The following USP14 variants were observed in gnomAD, a reference collection of about 807,000 sequenced individuals.
USP14 encodes the protein ubiquitin carboxyl-terminal hydrolase 14.
In USP14, 38 loss-of-function variants were observed where a neutral mutation model predicts 76.5. The ratio of observed to expected loss-of-function variants is 0.50; its 90% CI spans 0.38 to 0.65. The LOEUF (loss-of-function observed/expected upper bound fraction) is 0.65. USP14 is among the 30% of genes least tolerant of loss of function. The pLI is 0.00. For missense variants in USP14, 467 were observed against 586.5 expected (o/e 0.80, Z 2.10); for synonymous variants, 192 against 191.7 (o/e 1.00, Z -0.01).
chr18:160,237 G>A (rs1233466910), intron 1 of USP14, among the ~76,000 whole-genome samples: 1 of 152,168 alleles, frequency 6.6e-6, no homozygotes, highest in East Asian at 1.9e-4. Context: ...CTGTGAAGCG[G>A]AGGTTGTAGT....
chr18:203,263 A>G (rs1334890797), intron 12 of USP14, 73 bp downstream of exon 12: 2 of 1,367,710 alleles, frequency 1.5e-6, no homozygotes, highest in East Asian at 2.3e-5. Context: ...AATTGCTTTC[A>G]TTATTCCTTT....
In USP14 at chr18:171,624, C is replaced by T. The variant is rs552879394; in HGVS notation, c.195+4805C>T. 4.6e-5 allele frequency among the ~76,000 whole-genome samples: 7 copies of T among 152,266 alleles called. No homozygotes were observed. In the East Asian group the frequency reaches 1.3e-3, roughly 29 times the overall value. On this transcript the variant is annotated intron_variant, in intron 3 of 15. Transcript: ENST00000261601. ...ACATAAACGAGATGAATGTTGTTTT[C>T]CTGTCTGCTACAACAACTATTCTGC...
intron 6 of USP14, 100 bp from the exon 7 acceptor site, chr18:196,537 A>T (rs1910241154): frequency 7.3e-7 from 1 of 1,377,726 alleles, no homozygotes; most frequent in Non-Finnish European, 9.7e-7. Flanking sequence ...AAAAAAAAAA[A>T]TTAAGTAAGT....
intron 3 of USP14, among the ~76,000 whole-genome samples, chr18:177,559 TAACTG>T (rs971879358): frequency 6.6e-6 from 1 of 151,974 alleles, no homozygotes; most frequent in Non-Finnish European, 1.5e-5. Flanking sequence ...TAGGTATTCT[TAACTG>T]AACTAATTTC....
At chr18:186,277 T>G (rs1033243724) in intron 5 of USP14, among the ~76,000 whole-genome samples, 1 of 151,934 alleles carries the variant, frequency 6.6e-6, no homozygotes, top group African/African-American at 2.4e-5. Context: ...GGCAACATAG[T>G]GAGACCCGCA....
At position 158,679 on chromosome 18, in the gene USP14, G is replaced by C; in HGVS notation, c.-20G>C. 14 of 1,518,848 alleles carry C rather than the reference G, an allele frequency of 9.2e-6. No homozygotes were observed. The highest frequency in any genetic ancestry group is 1.1e-5 in the Non-Finnish European group (13 of 1,141,434). The allele number at this position is 1,518,848 out of a possible 1,614,324, so 94.1% of individuals were successfully genotyped here. A position where few individuals can be genotyped will look rare whatever the true frequency, so the allele number is the denominator to read the frequency against. Reference sequence around the variant, plus strand: ...TCAGGCCCAGCTCTCCTGCGCCGCCGCCTCCCGCCGCGCCCCGCCATGCCG... The same window carrying C: ...TCAGGCCCAGCTCTCCTGCGCCGCCCCCTCCCGCCGCGCCCCGCCATGCCG... On this transcript the variant is annotated 5_prime_UTR_variant, in exon 1 of 16. Coordinates refer to ENST00000261601, the MANE Select transcript of USP14 (RefSeq NM_005151.4).
At chr18:205,348 C>G (rs766344901) in intron 13 of USP14, among the ~76,000 whole-genome samples, 5 of 152,182 alleles carry the variant, frequency 3.3e-5, no homozygotes, top group Non-Finnish European at 5.9e-5. Flanking sequence ...GACCTTGATG[C>G]AGTCAAAATA....
rs376160033 is a variant in USP14 at position 190,321 on chromosome 18, AAT to A, written c.405-2514_405-2513del. ...TATGAGTATGTATGCATATGCACAA[AAT>A]ATATATGAGTGAAACTGCTGGGTCA... On this transcript the variant is annotated intron_variant, in intron 5 of 15. Coordinates refer to ENST00000261601, the MANE Select transcript of USP14 (RefSeq NM_005151.4). Among the ~76,000 whole-genome samples the A allele has an allele frequency of 1.1e-3, 164 of 152,292 alleles. 3 individuals carry two copies. The South Asian group carries it at 0.033, about 30-fold the overall frequency.
intron 7 of USP14, 113 bp downstream of exon 7, chr18:196,880 T>C: frequency 7.5e-7 from 1 of 1,338,366 alleles, no homozygotes; most frequent in Non-Finnish European, 1.0e-6. Context: ...CTCTAGTTCA[T>C]GCCACGGCTG....
intron 2 of USP14, among the ~76,000 whole-genome samples, chr18:165,934 A>G (rs1272118875): frequency 1.3e-5 from 2 of 152,192 alleles, no homozygotes; most frequent in Non-Finnish European, 2.9e-5. Context: ...TATAGAATCG[A>G]CTTTATCCTA....
chr18:189,520 G>C (rs35897792), intron 5 of USP14, among the ~76,000 whole-genome samples: 3 of 151,120 alleles, frequency 2.0e-5, no homozygotes, highest in Non-Finnish European at 2.9e-5. Flanking sequence ...GTCTCACTCT[G>C]CCTCCAGACT....
At chr18:177,281 G>C (rs931271727) in intron 3 of USP14, among the ~76,000 whole-genome samples, 3 of 151,934 alleles carry the variant, frequency 2.0e-5, no homozygotes, top group South Asian at 2.1e-4. Flanking sequence ...TCTTGGCCTG[G>C]TGGGGTGGCT....
chr18:182,515 G>A (rs1033328308), intron 5 of USP14, among the ~76,000 whole-genome samples: 2 of 152,172 alleles, frequency 1.3e-5, no homozygotes, highest in Non-Finnish European at 2.9e-5. Context: ...GTATTTATGA[G>A]AAATTGCATA....
intron 3 of USP14, among the ~76,000 whole-genome samples, chr18:176,689 TTA>T (rs1237342094): frequency 1.3e-5 from 2 of 152,142 alleles, no homozygotes; most frequent in Non-Finnish European, 2.9e-5. Context: ...TTGTTAATAT[TTA>T]TGTCAGTTTT....
Position 163,371 on chromosome 18 carries a change from T to C in USP14, c.80T>C (p.Met27Thr), listed in dbSNP as rs143225059. The change falls in exon 2 of 16, where the codon ATG becomes ACG. Residue 27 changes from methionine to threonine, a missense_variant. By Grantham distance (81) the Met-to-Thr change is moderately conservative. Transcript: ENST00000261601. ...GAATTGAATACAGATGAACCTCCAA[T>C]GGTATTCAAGGCTCAGCTGTTTGCG... is the stretch of plus-strand genomic sequence containing the variant. Reference protein sequence around the residue: ...GVELNTDEPPMVFKAQLFALT... With the variant: ...GVELNTDEPPTVFKAQLFALT... The C allele has an allele frequency of 3.1e-6, 5 of 1,613,926 alleles. No homozygotes were observed. The highest frequency in any genetic ancestry group is 1.3e-5 in the African/African-American group (1 of 74,928).
chr18:205,881 A>C (rs1330001300), intron 13 of USP14, among the ~76,000 whole-genome samples: 3 of 152,224 alleles, frequency 2.0e-5, no homozygotes, highest in Non-Finnish European at 4.4e-5. Context: ...GGTGTTGTGC[A>C]TATCAGTTGC....
At chr18:211,041 T>G in intron 15 of USP14, 92 bp from the exon 16 acceptor site, 1 of 1,341,474 alleles carries the variant, frequency 7.5e-7, no homozygotes, top group Non-Finnish European at 1.0e-6. Flanking sequence ...GGAGCACTGC[T>G]GTGCCTCCGA....
In USP14 at chr18:211,166, G is replaced by A. The variant is rs994074508; in HGVS notation, c.1367G>A (p.Ser456Asn). ...EWIKFDDDKVSIVTPEDILRL... is the reference protein window; with the variant it reads ...EWIKFDDDKVNIVTPEDILRL... ...ATTAAGTTTGATGATGACAAAGTCA[G>A]CATCGTAACACCAGAAGATATCTTA... The change falls in exon 16 of 16, where the codon AGC becomes AAC. Residue 456 changes from serine (S) to asparagine (N), a missense_variant. Coordinates refer to ENST00000261601, the MANE Select transcript of USP14 (RefSeq NM_005151.4). The A allele has an allele frequency of 6.2e-7, 1 of 1,613,806 alleles. No individual in the cohort carries two copies.
intron 5 of USP14, among the ~76,000 whole-genome samples, chr18:185,143 A>G (rs1262844827): frequency 6.7e-6 from 1 of 149,668 alleles, no homozygotes; most frequent in African/African-American, 2.5e-5. Flanking sequence ...ATTTTCTTTC[A>G]TTTTTTTTTT....
Sources: gnomAD v4.1 joint callset for allele counts (sites outside exome capture counted in the v4.1 genomes callset) on GRCh38, gnomAD v4.1.1 for gene constraint, MANE v1.5 for transcripts, NCBI Gene and HGNC (gene_info 2026-07-23, HGNC 2026-07-21) for gene names.